Variants in VPS13D observed in about 807,000 individuals in gnomAD.
The protein encoded by VPS13D is intermembrane lipid transfer protein VPS13D.
A neutral mutation model predicts 461.9 loss-of-function variants in VPS13D; 187 were observed. The ratio of observed to expected loss-of-function variants is 0.40; its 90% CI spans 0.36 to 0.46. The LOEUF is 0.46. VPS13D is among the 20% of genes least tolerant of loss of function. VPS13D has a pLI of 0.60. For synonymous variants in VPS13D, 1,951 were observed against 1,986.3 expected (o/e 0.98, Z 0.47); for missense variants, 4,711 against 5,364.9 (o/e 0.88, Z 3.81).
chr1:12,342,833 G>A, intron 41 of VPS13D, 66 bp from the exon 42 acceptor site: 3 of 1,520,016 alleles, frequency 2.0e-6, no homozygotes, highest in Non-Finnish European at 1.8e-6. Flanking sequence ...TCTTCTGCAC[G>A]GGGCTCCTGT....
intron 37 of VPS13D, 65 bp from the exon 38 acceptor site, chr1:12,333,161 G>A: frequency 6.5e-7 from 1 of 1,534,784 alleles, no homozygotes; most frequent in Non-Finnish European, 8.8e-7. Context: ...ACATTTGCGA[G>A]CAGTGTTCCC....
chr1:12,298,134 T>G (rs916737441), intron 24 of VPS13D, among the ~76,000 whole-genome samples: 4 of 152,198 alleles, frequency 2.6e-5, no homozygotes, highest in Non-Finnish European at 5.9e-5. Context: ...ATTTAATCCC[T>G]ATACCTCTTT....
intron 65 of VPS13D, among the ~76,000 whole-genome samples, chr1:12,438,628 C>A (rs1260549606): frequency 2.0e-5 from 3 of 152,130 alleles, no homozygotes; most frequent in African/African-American, 7.2e-5. Context: ...CCCTTGCCGA[C>A]CACATGAAAC....
intron 31 of VPS13D, among the ~76,000 whole-genome samples, chr1:12,318,809 G>A (rs965767873): frequency 2.6e-5 from 4 of 152,132 alleles, no homozygotes; most frequent in East Asian, 1.9e-4. Flanking sequence ...GTTGACTAGC[G>A]AACTCATCTA....
chr1:12,290,484 A>G (rs538301638), intron 22 of VPS13D, among the ~76,000 whole-genome samples: 16 of 152,234 alleles, frequency 1.1e-4, no homozygotes, highest in African/African-American at 3.9e-4. Context: ...GCATTTTGGG[A>G]GGCCAAGGCG....
chr1:12,276,854 C>T lies in VPS13D; in HGVS notation c.3266C>T (p.Ser1089Leu). 4 of 1,614,138 alleles carry T rather than the reference C, an allele frequency of 2.5e-6. No homozygotes were observed. Among genetic ancestry groups the T allele is most frequent in the Non-Finnish European group, 3.4e-6 (4 of 1,180,022 alleles). Residue 1089 changes from serine (S) to leucine (L), a missense_variant, in exon 19 of 70, where the codon TCA becomes TTA. Transcript: ENST00000620676. This position sits in a 1 kb window ranked among gnomAD's most constrained non-coding sequence, Gnocchi z 4.5. The part of the protein sequence containing the change: ...LIKLEYQFVS[S>L]ECPSMNLDST... Reference sequence around the variant, plus strand: ...AAGTTGGAATATCAGTTTGTGAGTTCAGAGTGCCCATCGATGAATTTAGAC... The same window carrying T: ...AAGTTGGAATATCAGTTTGTGAGTTTAGAGTGCCCATCGATGAATTTAGAC...
chr1:12,494,557 T>C (rs544952391), intron 67 of VPS13D, among the ~76,000 whole-genome samples: 5 of 152,326 alleles, frequency 3.3e-5, no homozygotes, highest in African/African-American at 4.8e-5. Context: ...AAGCCATCTT[T>C]CGTTGGCTTC....
intron 65 of VPS13D, among the ~76,000 whole-genome samples, chr1:12,431,007 T>A (rs746837605): frequency 3.9e-5 from 6 of 152,210 alleles, no homozygotes; most frequent in Non-Finnish European, 7.3e-5. Context: ...GAGATAAAAG[T>A]TGTTAGGACT....
At chr1:12,369,786 A>C in intron 54 of VPS13D, 84 bp downstream of exon 54, 1 of 1,244,854 alleles carries the variant, frequency 8.0e-7, no homozygotes, top group Non-Finnish European at 1.1e-6. Flanking sequence ...GTTTCTTAGG[A>C]GACCAAAGTA....
chr1:12,482,762 AGTATACATATAT>A (rs1226917926), intron 67 of VPS13D, among the ~76,000 whole-genome samples: 2 of 148,946 alleles, frequency 1.3e-5, no homozygotes, highest in Admixed American at 1.3e-4. Context: ...ATGTATACAT[AGTATACATATAT>A]GTATACATAG....
rs1239043187 is a variant in VPS13D, at chr1:12,342,978, A to G, written c.8812A>G (p.Ser2938Gly). The change falls in exon 42 of 70, where the codon AGT becomes GGT. Residue 2938 changes from serine (S) to glycine (G), a missense_variant. This residue lies in a region of VPS13D where 4,411 missense variants were observed against 4,937.8 expected (regional missense o/e 0.89). Transcript: ENST00000620676. Reference protein sequence around the residue: ...GTFLDDTHNVSEWREVLTGEE... With the variant: ...GTFLDDTHNVGEWREVLTGEE... ...ATTTCTCGATGATACTCACAATGTT[A>G]GTGAATGGCGAGAAGTCCTTACAGG... 3.7e-6 allele frequency: 6 copies of G among 1,613,862 alleles called. No individual in the cohort carries two copies. The African/African-American group carries it at 5.3e-5, about 14-fold the overall frequency.
At chr1:12,301,167 T>C (rs1428221819) in intron 25 of VPS13D, among the ~76,000 whole-genome samples, 4 of 152,260 alleles carry the variant, frequency 2.6e-5, no homozygotes, top group Non-Finnish European at 5.9e-5. Flanking sequence ...CCAATGCTTC[T>C]GACACCAGAT....
rs2101627212 is a variant in VPS13D, at chr1:12,369,722, C to T, written c.10808+20C>T. The T allele has an allele frequency of 1.2e-6, 2 of 1,606,386 alleles. No homozygotes were observed. Among genetic ancestry groups the T allele is most frequent in the East Asian group, 4.5e-5 (2 of 44,842 alleles). ...CTCTGGGTAATTCTTGATTAAATTA[C>T]TGTTCCTATAAAGCAGAAGGTTCTA... is the stretch of plus-strand genomic sequence containing the variant. On this transcript the variant is annotated intron_variant, in intron 54 of 69. Transcript: ENST00000620676.
rs60615824 is a variant in VPS13D, at chr1:12,272,392, GGTGTGTGTGTGTGTGT to G, written c.2104-588_2104-573del. ...GAGAATTAGTCCTGTTTTTTGTTTT[GGTGTGTGTGTGTGTGT>G]GTGTGTGTGTGTGTGTGTGTGTTTC... On this transcript the variant is annotated intron_variant, in intron 17 of 69. Transcript: ENST00000620676. Among the ~76,000 whole-genome samples the G allele has an allele frequency of 2.9e-3, 414 of 143,124 alleles. 3 individuals carry two copies. The highest frequency in any genetic ancestry group is 0.01 in the African/African-American group (406 of 39,322). The allele number at this position is 143,124 out of a possible 152,430, so 93.9% of individuals were successfully genotyped here. A position where few individuals can be genotyped will look rare whatever the true frequency, so the allele number is the denominator to read the frequency against.
rs530482372 is a variant in VPS13D, at chr1:12,258,066, A to T, written c.1073A>T (p.Asn358Ile). The T allele has an allele frequency of 1.1e-5, 18 of 1,614,112 alleles. No individual in the cohort carries two copies. In the African/African-American group the frequency reaches 1.6e-4, roughly 14 times the overall value. The change falls in exon 10 of 70, where the codon AAC becomes ATC. Residue 358 changes from asparagine to isoleucine, a missense_variant. This residue lies in a region of VPS13D where 4,411 missense variants were observed against 4,937.8 expected (regional missense o/e 0.89). Coordinates refer to ENST00000620676, the MANE Select transcript of VPS13D (RefSeq NM_015378.4). Reference protein sequence around the residue: ...DAVSYTDKYFNKLKGGLLSTD... With the variant: ...DAVSYTDKYFIKLKGGLLSTD... Reference sequence around the variant, plus strand: ...GTATCTTACACTGACAAATATTTCAACAAGTTAAAAGGAGGCCTGCTGTCC... The same window carrying T: ...GTATCTTACACTGACAAATATTTCATCAAGTTAAAAGGAGGCCTGCTGTCC...
chr1:12,422,851 T>C (rs1435562230), intron 65 of VPS13D, among the ~76,000 whole-genome samples: 2 of 151,398 alleles, frequency 1.3e-5, no homozygotes, highest in Admixed American at 1.3e-4. Context: ...TGAAGGTCTT[T>C]TTTTTTTTTT....
chr1:12,310,810 TCC>T (rs1642719625), intron 27 of VPS13D, among the ~76,000 whole-genome samples: 1 of 80,740 alleles, frequency 1.2e-5, no homozygotes, highest in African/African-American at 4.8e-5. Flanking sequence ...CCTCCCTCCC[TCC>T]CTCCCTCCTT....
chr1:12,461,808 G>A (rs771212953), intron 67 of VPS13D, among the ~76,000 whole-genome samples: 4 of 152,186 alleles, frequency 2.6e-5, no homozygotes, highest in Admixed American at 6.5e-5. Context: ...ATTTTGTGCT[G>A]TGAAGTTTTA....
Position 12,381,982 on chromosome 1 carries a change from C to CTTTCTTTCTT in VPS13D, c.11191-993_11191-992insTTCTTTCTTT, listed in dbSNP as rs1553185971. Among the ~76,000 whole-genome samples, 224 of 123,964 alleles carry CTTTCTTTCTT rather than the reference C, an allele frequency of 1.8e-3. 1 individual carries two copies. The highest frequency in any genetic ancestry group is 4.4e-3 in the African/African-American group (138 of 31,056). The allele number at this position is 123,964 out of a possible 152,430, so 81.3% of individuals were successfully genotyped here. A position where few individuals can be genotyped will look rare whatever the true frequency, so the allele number is the denominator to read the frequency against. On this transcript the variant is annotated intron_variant, in intron 57 of 69. Transcript: ENST00000620676. ...TCTTTCTTTCTTTCTTTCTTTCTTTCTCTCTCTCTCTCTCCTTCCTTCCTT... is the reference window on the plus strand; with the variant it reads ...TCTTTCTTTCTTTCTTTCTTTCTTTCTTTCTTTCTTTCTCTCTCTCTCTCCTTCCTTCCTT...
Sources: gnomAD v4.1 joint callset for allele counts (sites outside exome capture counted in the v4.1 genomes callset) on GRCh38, gnomAD v4.1.1 for gene constraint, gnomAD v4.1.1 regional missense constraint, Gnocchi (gnomAD v3.1) non-coding constraint, MANE v1.5 for transcripts, NCBI Gene and HGNC (gene_info 2026-07-23, HGNC 2026-07-21) for gene names.